Variants in SUSD4 observed in about 807,000 individuals in gnomAD.
SUSD4 encodes the protein sushi domain containing 4.
A neutral mutation model predicts 50.5 loss-of-function variants in SUSD4; 41 were observed. The observed-to-expected ratio is 0.81, with a 90% CI of 0.63 to 1.05. The LOEUF (loss-of-function observed/expected upper bound fraction) is 1.05. Ranked by LOEUF, SUSD4 falls within the 50% of genes least tolerant of loss-of-function variation. SUSD4 has a pLI of 0.00. For synonymous variants in SUSD4, 257 were observed against 257.3 expected, an observed-to-expected ratio of 1.00 and a Z score of 0.01; for missense variants, 580 against 634.7, an observed-to-expected ratio of 0.91 and a Z score of 0.93.
chr1:223,234,133 G>A (rs1025586763), intron 5 of SUSD4, among the ~76,000 whole-genome samples: 8 of 152,176 alleles, frequency 5.3e-5, no homozygotes, highest in Non-Finnish European at 7.3e-5. Context: ...GTGGGGAGGC[G>A]GGACCAAAGG....
chr1:223,350,351 G>A (rs1261212799), intron 2 of SUSD4, among the ~76,000 whole-genome samples: 1 of 152,178 alleles, frequency 6.6e-6, no homozygotes, highest in African/African-American at 2.4e-5. Context: ...ATGTAAGAGT[G>A]GATGAAGATA....
chr1:223,299,056 T>G (rs1207066377), intron 2 of SUSD4, among the ~76,000 whole-genome samples: 1 of 152,226 alleles, frequency 6.6e-6, no homozygotes, highest in Admixed American at 6.5e-5. Flanking sequence ...ACTAATTCCA[T>G]TGAGCAAGAC....
rs531615623 is a variant in SUSD4 at position 223,356,031 on chromosome 1, T to C, written c.148+7247A>G. On this transcript the variant is annotated intron_variant, in intron 2 of 8. Transcript: ENST00000366878. ...ATCTATAATGGCACTCCCAACTTTA[T>C]TGTCCTTTCCAAATAATGTCAAGAA... is the stretch of plus-strand genomic sequence containing the variant. Among the ~76,000 whole-genome samples, 9 of 152,338 alleles carry C rather than the reference T, an allele frequency of 5.9e-5. No homozygotes were observed. The East Asian group carries it at 9.6e-4, about 16-fold the overall frequency.
intron 5 of SUSD4, among the ~76,000 whole-genome samples, chr1:223,253,788 T>A (rs1661500148): frequency 6.6e-6 from 1 of 152,160 alleles, no homozygotes; most frequent in African/African-American, 2.4e-5. Flanking sequence ...CTCTAGAGTT[T>A]AAGGACAAAC....
chr1:223,363,170 C>T (rs1233680055), intron 2 of SUSD4, 108 bp downstream of exon 2: 1 of 1,286,324 alleles, frequency 7.8e-7, no homozygotes, highest in African/African-American at 1.5e-5. Context: ...GTCAGATCCT[C>T]CTGAAGTCTG....
At chr1:223,314,229 A>G (rs1409888074) in intron 2 of SUSD4, among the ~76,000 whole-genome samples, 1 of 152,134 alleles carries the variant, frequency 6.6e-6, no homozygotes, top group East Asian at 1.9e-4. Context: ...CATCTCCCCA[A>G]ACTCACTCTG....
At chr1:223,302,290 A>T (rs758017241) in intron 2 of SUSD4, among the ~76,000 whole-genome samples, 3 of 152,348 alleles carry the variant, frequency 2.0e-5, no homozygotes, top group Non-Finnish European at 4.4e-5. Flanking sequence ...CCCAGTCTTA[A>T]GTATGTCTTT....
intron 2 of SUSD4, among the ~76,000 whole-genome samples, chr1:223,350,912 G>GA (rs556293242): frequency 1.2e-3 from 184 of 151,840 alleles, no homozygotes; most frequent in Middle Eastern, 6.8e-3. Flanking sequence ...ACAGTCAGGT[G>GA]AAAAAAAAGA....
At chr1:223,234,697 T>C (rs2103009884) in intron 5 of SUSD4, among the ~76,000 whole-genome samples, 1 of 152,324 alleles carries the variant, frequency 6.6e-6, no homozygotes, top group Admixed American at 6.5e-5. Flanking sequence ...GCCTCATGGC[T>C]TCACCCGACG....
intron 3 of SUSD4, among the ~76,000 whole-genome samples, chr1:223,291,842 A>G (rs1571989875): frequency 6.6e-6 from 1 of 152,386 alleles, no homozygotes; most frequent in East Asian, 1.9e-4. Flanking sequence ...AACAAAAAAA[A>G]GTATATAAAG....
intron 2 of SUSD4, among the ~76,000 whole-genome samples, chr1:223,345,805 C>T (rs1419414690): frequency 1.3e-5 from 2 of 152,226 alleles, no homozygotes; most frequent in African/African-American, 2.4e-5. Context: ...CTCATGCCTA[C>T]ACTAGAAACC....
chr1:223,358,505 G>C (rs916971833), intron 2 of SUSD4, among the ~76,000 whole-genome samples: 5 of 152,168 alleles, frequency 3.3e-5, no homozygotes, highest in Non-Finnish European at 5.9e-5. Flanking sequence ...AGCCTCGTTG[G>C]TCTTTTGCAA....
chr1:223,339,452 G>A (rs1022536894), intron 2 of SUSD4, among the ~76,000 whole-genome samples: 2 of 151,370 alleles, frequency 1.3e-5, no homozygotes, highest in Admixed American at 6.6e-5. Flanking sequence ...ATGAGCCAGC[G>A]GGGCAGGGGT....
intron 2 of SUSD4, among the ~76,000 whole-genome samples, chr1:223,353,359 G>A (rs954256035): frequency 2.6e-5 from 4 of 152,134 alleles, no homozygotes; most frequent in African/African-American, 7.2e-5. Context: ...GCAGTGGAGA[G>A]GTGTCTCCCT....
intron 2 of SUSD4, among the ~76,000 whole-genome samples, chr1:223,339,315 A>G (rs1558264185): frequency 1.3e-5 from 2 of 152,206 alleles, no homozygotes; most frequent in Non-Finnish European, 2.9e-5. Flanking sequence ...AGATGAGGAA[A>G]GAGACTAAAT....
chr1:223,275,549 C>T (rs73122238), intron 3 of SUSD4, among the ~76,000 whole-genome samples: 8,303 of 152,224 alleles, frequency 0.055, 738 homozygotes, highest in African/African-American at 0.19. Flanking sequence ...CCCCATGTCT[C>T]ATGCTCTGCT....
chr1:223,227,635 G>T lies in SUSD4; in HGVS notation c.1020C>A (p.Ala340=). 1 of 1,613,932 alleles carries T rather than the reference G, an allele frequency of 6.2e-7. No homozygotes were observed. Among genetic ancestry groups the T allele is most frequent in the Non-Finnish European group, 8.5e-7 (1 of 1,179,970 alleles). Residue 340 remains alanine, a synonymous_variant, in exon 7 of 9, where the codon GCC becomes GCA. Coordinates refer to ENST00000366878, the MANE Select transcript of SUSD4 (RefSeq NM_017982.4). The surrounding 1 kb of genome is among the most constrained non-coding windows in gnomAD (Gnocchi z 4.5). ...VLLVLLLVIL[A]RMFQTKFKAH... is the part of the protein sequence containing the mutation. ...CCTTGAACTTGGTCTGGAACATCCT[G>T]GCCAGGATGACGAGCAGCAGCACCA...
chr1:223,315,199 A>G (rs938105697), intron 2 of SUSD4, among the ~76,000 whole-genome samples: 3 of 152,330 alleles, frequency 2.0e-5, no homozygotes, highest in African/African-American at 4.8e-5. Flanking sequence ...TTTAAATGAT[A>G]GCGGGTCTTC....
At chr1:223,247,872 C>T (rs543847395) in intron 5 of SUSD4, among the ~76,000 whole-genome samples, 12 of 152,130 alleles carry the variant, frequency 7.9e-5, no homozygotes, top group Non-Finnish European at 1.6e-4. Context: ...CCATCCCCTA[C>T]GTGCTAAGGA....
Sources: allele counts gnomAD v4.1 joint callset (sites outside exome capture counted in the v4.1 genomes callset), GRCh38; gene constraint gnomAD v4.1.1; non-coding constraint Gnocchi (gnomAD v3.1); transcripts MANE v1.5; gene names NCBI Gene and HGNC (gene_info 2026-07-23, HGNC 2026-07-21).